The following GRID2 variants were observed in gnomAD, a reference collection of about 807,000 sequenced individuals.
The protein encoded by GRID2 is glutamate ionotropic receptor delta type subunit 2, also known as glutamate receptor ionotropic, delta-2.
A neutral mutation model predicts 114.8 loss-of-function variants in GRID2; 33 were observed. The ratio of observed to expected loss-of-function variants is 0.29; its 90% CI spans 0.22 to 0.38. The LOEUF is 0.38. Among genes scored for constraint, GRID2 ranks in the 10% least tolerant of loss-of-function variants. GRID2 has a pLI of 1.00. For missense variants in GRID2, 1,184 were observed against 1,257.7 expected, an observed-to-expected ratio of 0.94 and a Z score of 0.89; for synonymous variants, 505 against 449.9, an observed-to-expected ratio of 1.12 and a Z score of -1.55.
At chr4:92,494,013 TTAAC>T (rs566796706) in intron 1 of GRID2, among the ~76,000 whole-genome samples, 1 of 152,142 alleles carries the variant, frequency 6.6e-6, no homozygotes, top group Non-Finnish European at 1.5e-5. Context: ...CTTCAGCTAT[TTAAC>T]TATTATTTTT....
intron 14 of GRID2, among the ~76,000 whole-genome samples, chr4:93,707,976 A>C (rs1728155937): frequency 6.6e-6 from 1 of 151,640 alleles, no homozygotes; most frequent in African/African-American, 2.4e-5. Context: ...ATATTGTTTA[A>C]TTTCCATATG....
intron 1 of GRID2, among the ~76,000 whole-genome samples, chr4:93,801,035 T>C (rs375053249): frequency 6.6e-6 from 1 of 152,276 alleles, no homozygotes; most frequent in East Asian, 1.9e-4. Context: ...AAAATAATCG[T>C]TTGTTGGTCA....
chr4:92,335,809 A>T (rs939575960), intron 1 of GRID2, among the ~76,000 whole-genome samples: 1 of 152,176 alleles, frequency 6.6e-6, no homozygotes, highest in African/African-American at 2.4e-5. Flanking sequence ...ATCATCTTAG[A>T]AGTGTACCCT....
intron 8 of GRID2, among the ~76,000 whole-genome samples, chr4:93,329,590 C>T (rs1440942583): frequency 6.6e-6 from 1 of 152,064 alleles, no homozygotes; most frequent in East Asian, 1.9e-4. Flanking sequence ...AAAGAGATGA[C>T]TCTGTTATTA....
intron 1 of GRID2, among the ~76,000 whole-genome samples, chr4:92,464,571 C>G (rs1721655309): frequency 6.6e-6 from 1 of 151,720 alleles, no homozygotes; most frequent in Admixed American, 6.6e-5. Context: ...TTAAGACTTT[C>G]AAAAATCCTT....
intron 2 of GRID2, among the ~76,000 whole-genome samples, chr4:92,860,334 C>T (rs1253716026): frequency 2.0e-5 from 3 of 152,032 alleles, no homozygotes; most frequent in Non-Finnish European, 2.9e-5. Flanking sequence ...TTTGCTTACT[C>T]GAGATGTTGG....
At chr4:93,264,056 A>G (rs948493682) in intron 8 of GRID2, among the ~76,000 whole-genome samples, 2 of 152,168 alleles carry the variant, frequency 1.3e-5, no homozygotes, top group Non-Finnish European at 2.9e-5. Context: ...CAATGCTATT[A>G]ACACACAGGT....
intron 14 of GRID2, among the ~76,000 whole-genome samples, chr4:93,681,983 G>A (rs2110093570): frequency 6.6e-6 from 1 of 151,334 alleles, no homozygotes; most frequent in East Asian, 2.0e-4. Flanking sequence ...TACCATCAGA[G>A]TGAACAGGCA....
intron 1 of GRID2, among the ~76,000 whole-genome samples, chr4:92,424,374 C>T (rs1367674749): frequency 1.3e-5 from 2 of 152,016 alleles, no homozygotes; most frequent in Admixed American, 1.3e-4. Flanking sequence ...CTGGACAATA[C>T]TCCAAGTTCC....
In GRID2 at chr4:93,453,316, AAGAGAGAGAGAGAGAGAGAG is replaced by A. The variant is rs3044025; in HGVS notation, c.1546-2321_1546-2302del. Among the ~76,000 whole-genome samples the A allele has an allele frequency of 1.0e-4, 13 of 127,294 alleles. No individual in the cohort carries two copies. The East Asian group carries it at 1.2e-3, about 12-fold the overall frequency. The allele number at this position is 127,294 out of a possible 152,430, so 83.5% of individuals were successfully genotyped here. A position where few individuals can be genotyped will look rare whatever the true frequency, so the allele number is the denominator to read the frequency against. Reference sequence around the variant, plus strand: ...GACTATACAAAACTCAGAGATGGGAAAGAGAGAGAGAGAGAGAGAGAGAGAGAGAGAGAGAGAGAGAGAGT... The same window carrying A: ...GACTATACAAAACTCAGAGATGGGAAAGAGAGAGAGAGAGAGAGAGAGAGT... On this transcript the variant is annotated intron_variant, in intron 10 of 15. Coordinates refer to ENST00000282020, the MANE Select transcript of GRID2 (RefSeq NM_001510.4).
intron 14 of GRID2, among the ~76,000 whole-genome samples, chr4:93,629,358 G>A (rs1225877764): frequency 6.6e-6 from 1 of 152,144 alleles, no homozygotes; most frequent in African/African-American, 2.4e-5. Flanking sequence ...CTGGACATAT[G>A]GAGAAAAGGA....
intron 4 of GRID2, among the ~76,000 whole-genome samples, chr4:93,153,203 C>T (rs1003116071): frequency 5.3e-5 from 8 of 151,852 alleles, no homozygotes; most frequent in African/African-American, 1.9e-4. Flanking sequence ...GATGATACAC[C>T]AAGAAACTGG....
At chr4:93,534,417 G>C (rs1731820693) in intron 13 of GRID2, among the ~76,000 whole-genome samples, 1 of 151,874 alleles carries the variant, frequency 6.6e-6, no homozygotes, top group Non-Finnish European at 1.5e-5. Flanking sequence ...TTTTTTTATA[G>C]TAAGAACACC....
intron 6 of GRID2, among the ~76,000 whole-genome samples, chr4:93,224,300 GAA>G (rs1198538542): frequency 2.0e-5 from 3 of 152,130 alleles, no homozygotes; most frequent in African/African-American, 7.2e-5. Flanking sequence ...TCCTCAGAGA[GAA>G]ATAAGGGCCA....
chr4:93,515,646 C>T (rs925846450), intron 13 of GRID2, among the ~76,000 whole-genome samples: 1 of 152,094 alleles, frequency 6.6e-6, no homozygotes, highest in Non-Finnish European at 1.5e-5. Flanking sequence ...AAATCAAATA[C>T]ACACACTGGT....
chr4:93,229,889 T>A (rs1333684000), intron 7 of GRID2, among the ~76,000 whole-genome samples: 1 of 152,160 alleles, frequency 6.6e-6, no homozygotes. Flanking sequence ...TCATTCTTTT[T>A]TTAAAAATTA....
At chr4:93,784,413 G>C (rs1394410466) in intron 1 of GRID2, among the ~76,000 whole-genome samples, 1 of 152,088 alleles carries the variant, frequency 6.6e-6, no homozygotes, top group Admixed American at 6.5e-5. Flanking sequence ...ACCCTTCACA[G>C]AGAAGCAGCG....
At chr4:93,021,752 A>G (rs1005272475) in intron 2 of GRID2, among the ~76,000 whole-genome samples, 86 of 145,848 alleles carry the variant, frequency 5.9e-4, no homozygotes, top group African/African-American at 1.9e-3. Context: ...ATAATTATTT[A>G]TAATATGAAT....
At chr4:92,718,155 T>C (rs1231836462) in intron 2 of GRID2, among the ~76,000 whole-genome samples, 4 of 151,898 alleles carry the variant, frequency 2.6e-5, no homozygotes, top group Non-Finnish European at 4.4e-5. Context: ...TACAATCTCA[T>C]AAGGAAAAAT....
Sources: gnomAD v4.1 joint callset for allele counts (sites outside exome capture counted in the v4.1 genomes callset) on GRCh38, gnomAD v4.1.1 for gene constraint, MANE v1.5 for transcripts, NCBI Gene and HGNC (gene_info 2026-07-23, HGNC 2026-07-21) for gene names.